Variants in AKR1C8 observed in about 807,000 individuals in gnomAD.
The protein encoded by AKR1C8 is aldo-keto reductase family 1 member C-like protein 1.
chr10:5,150,696 C>G, the AKR1C8 span, among the ~76,000 whole-genome samples: 1 of 151,870 alleles, frequency 6.6e-6, no homozygotes, highest in African/African-American at 2.4e-5. Context: ...AATAAAGTCA[C>G]AGATCACTGT....
the AKR1C8 span, among the ~76,000 whole-genome samples, chr10:5,127,231 C>A: frequency 6.6e-6 from 1 of 151,584 alleles, no homozygotes; most frequent in Non-Finnish European, 1.5e-5. Flanking sequence ...TAAAAAAATT[C>A]AGGATATAAA....
the AKR1C8 span, among the ~76,000 whole-genome samples, chr10:5,133,166 T>A: frequency 3.3e-5 from 5 of 152,160 alleles, no homozygotes; most frequent in Non-Finnish European, 7.3e-5. Context: ...CACTGAAAAC[T>A]CTGCCCCTCC....
At chr10:5,132,622 C>CT in the AKR1C8 span, 2 of 1,584,472 alleles carry the variant, frequency 1.3e-6, no homozygotes, top group East Asian at 2.2e-5. Flanking sequence ...TAGAATATGT[C>CT]TTCTCTCTTC....
At chr10:5,178,757 T>C in the AKR1C8 span, among the ~76,000 whole-genome samples, 1 of 152,212 alleles carries the variant, frequency 6.6e-6, no homozygotes, top group Non-Finnish European at 1.5e-5. Context: ...TTTTGATCTT[T>C]GTTGGTTTGA....
chr10:5,174,694 T>C, the AKR1C8 span, among the ~76,000 whole-genome samples: 1 of 151,972 alleles, frequency 6.6e-6, no homozygotes, highest in South Asian at 2.1e-4. Flanking sequence ...TGATATATAA[T>C]TGAGACTACT....
chr10:5,138,913 A>T, the AKR1C8 span, among the ~76,000 whole-genome samples: 2 of 152,104 alleles, frequency 1.3e-5, no homozygotes, highest in Admixed American at 6.5e-5. Context: ...GAAAACCCCA[A>T]CATCTCAGCC....
At chr10:5,182,886 G>T in the AKR1C8 span, among the ~76,000 whole-genome samples, 7 of 151,628 alleles carry the variant, frequency 4.6e-5, no homozygotes, top group Non-Finnish European at 1.0e-4. Flanking sequence ...CTCCAGCCTG[G>T]GCAGGAGAGC....
At chr10:5,155,202 C>G in the AKR1C8 span, 1 of 152,144 alleles carries the variant, frequency 6.6e-6, no homozygotes, top group Admixed American at 6.5e-5. Context: ...TGGGCCCATC[C>G]TGTATTAATA....
At chr10:5,145,405 A>G in the AKR1C8 span, among the ~76,000 whole-genome samples, 8 of 152,290 alleles carry the variant, frequency 5.3e-5, no homozygotes, top group African/African-American at 1.9e-4. Flanking sequence ...CAGAGTGAAC[A>G]GGCAACCTAC....
At chr10:5,132,776 G>T in the AKR1C8 span, 1 of 1,275,054 alleles carries the variant, frequency 7.8e-7, no homozygotes, top group Non-Finnish European at 1.1e-6. Flanking sequence ...GAACCCGGAG[G>T]AGTAATGAAA....
At chr10:5,135,485 CTAAAG>C in the AKR1C8 span, among the ~76,000 whole-genome samples, 1 of 151,988 alleles carries the variant, frequency 6.6e-6, no homozygotes, top group South Asian at 2.1e-4. Context: ...TATTTTCTTA[CTAAAG>C]TAAAATTTTC....
At chr10:5,144,881 G>A in the AKR1C8 span, among the ~76,000 whole-genome samples, 1 of 150,684 alleles carries the variant, frequency 6.6e-6, no homozygotes, top group Non-Finnish European at 1.5e-5. Context: ...CTGCCTAATT[G>A]CCCTGGCCAG....
At chr10:5,116,841 T>G in the AKR1C8 span, among the ~76,000 whole-genome samples, 1 of 152,308 alleles carries the variant, frequency 6.6e-6, no homozygotes, top group East Asian at 1.9e-4. Context: ...TGTGAATGAC[T>G]TACAAAATAC....
At chr10:5,136,285 C>T in the AKR1C8 span, among the ~76,000 whole-genome samples, 2,307 of 152,252 alleles carry the variant, frequency 0.015, 76 homozygotes, top group African/African-American at 0.053. Flanking sequence ...CGTTGGCTCA[C>T]ACCCGTAATC....
the AKR1C8 span, among the ~76,000 whole-genome samples, chr10:5,117,782 A>AAGGT: frequency 1.3e-5 from 2 of 152,144 alleles, no homozygotes; most frequent in African/African-American, 4.8e-5. Context: ...AGAGGAAAGT[A>AAGGT]AGGTGCCAGG....
the AKR1C8 span, among the ~76,000 whole-genome samples, chr10:5,175,870 G>A: frequency 6.6e-6 from 1 of 152,062 alleles, no homozygotes; most frequent in Non-Finnish European, 1.5e-5. Context: ...GTAGATTCTG[G>A]ATATTAGCCC....
At chr10:5,147,159 C>T in the AKR1C8 span, among the ~76,000 whole-genome samples, 22 of 151,946 alleles carry the variant, frequency 1.4e-4, no homozygotes, top group Non-Finnish European at 2.4e-4. Flanking sequence ...CAATAGAAGG[C>T]GAGTAAGGTG....
chr10:5,143,287 T>C, the AKR1C8 span, among the ~76,000 whole-genome samples: 1 of 152,136 alleles, frequency 6.6e-6, no homozygotes, highest in East Asian at 1.9e-4. Flanking sequence ...ACATCAGAAC[T>C]CCAAGCCTTC....
the AKR1C8 span, chr10:5,155,470 T>G: frequency 3.6e-6 from 1 of 280,400 alleles, no homozygotes; most frequent in African/African-American, 2.2e-5. Context: ...GGTGCAGACA[T>G]TGGCAGTTTC....
Sources: gnomAD v4.1 joint callset for allele counts (sites outside exome capture counted in the v4.1 genomes callset) on GRCh38, gnomAD v4.1.1 for gene constraint, MANE v1.5 for transcripts, NCBI Gene and HGNC (gene_info 2026-07-23, HGNC 2026-07-21) for gene names.